The following NOVA1 variants were observed in gnomAD, a reference collection of about 807,000 sequenced individuals.
NOVA1 encodes NOVA alternative splicing regulator 1, also known as RNA-binding protein Nova-1.
In NOVA1, 7 loss-of-function variants were observed where a neutral mutation model predicts 38.0. The observed-to-expected ratio is 0.18, with a 90% confidence interval of 0.10 to 0.35. The LOEUF is 0.35. NOVA1 is among the 10% of genes least tolerant of loss of function. The pLI, the probability that NOVA1 is intolerant of heterozygous loss-of-function variation, is 1.00. For missense variants in NOVA1, 460 were observed against 616.0 expected (o/e 0.75, Z 2.68); for synonymous variants, 270 against 232.5 (o/e 1.16, Z -1.47).
chr14:26,484,254 G>A (rs1037571701), intron 2 of NOVA1, among the ~76,000 whole-genome samples: 2 of 151,256 alleles, frequency 1.3e-5, no homozygotes, highest in African/African-American at 4.9e-5. Context: ...CTAACACGGT[G>A]AAACCCCATC....
chr14:26,514,567 T>C (rs980180611), intron 2 of NOVA1, among the ~76,000 whole-genome samples: 2 of 151,818 alleles, frequency 1.3e-5, no homozygotes, highest in Admixed American at 6.6e-5. Flanking sequence ...TTCTTCTCAG[T>C]AAAGGAATGT....
chr14:26,540,566 G>C (rs1334492053), intron 2 of NOVA1, among the ~76,000 whole-genome samples: 3 of 152,216 alleles, frequency 2.0e-5, no homozygotes, highest in African/African-American at 7.2e-5. Context: ...CTACAAACCA[G>C]CATGTACTAG....
At position 26,589,178 on chromosome 14, in the gene NOVA1, G is replaced by T. The variant is rs528787639; in HGVS notation, c.280+6232C>A. On this transcript the variant is annotated intron_variant, in intron 2 of 4. Transcript: ENST00000539517. ...TTCCAAATTATTTTAAGATAGTACA[G>T]ACTTTGCCAGATTTCGTTTAAATGT... is the stretch of plus-strand genomic sequence containing the variant. Among the ~76,000 whole-genome samples, 3 of 151,630 alleles carry T rather than the reference G, an allele frequency of 2.0e-5. No homozygotes were observed. The South Asian group carries it at 6.2e-4, about 31-fold the overall frequency.
At chr14:26,469,692 C>A (rs2138243160) in intron 4 of NOVA1, among the ~76,000 whole-genome samples, 1 of 152,194 alleles carries the variant, frequency 6.6e-6, no homozygotes, top group Non-Finnish European at 1.5e-5. Flanking sequence ...TGGCCTCAGG[C>A]ACTCCTTCCG....
At chr14:26,457,590 C>T (rs1883288681) in intron 4 of NOVA1, among the ~76,000 whole-genome samples, 1 of 152,214 alleles carries the variant, frequency 6.6e-6, no homozygotes, top group African/African-American at 2.4e-5. Context: ...CAAAGTATTG[C>T]ACATACAATT....
At chr14:26,476,808 C>G (rs1278266893) in intron 3 of NOVA1, among the ~76,000 whole-genome samples, 1 of 147,918 alleles carries the variant, frequency 6.8e-6, no homozygotes, top group African/African-American at 2.6e-5. Context: ...CCTCCACAAC[C>G]AGGGTTCAAG....
intron 2 of NOVA1, among the ~76,000 whole-genome samples, chr14:26,546,156 A>T (rs922568612): frequency 6.6e-6 from 1 of 152,100 alleles, no homozygotes; most frequent in Non-Finnish European, 1.5e-5. Context: ...TTTAAATTCA[A>T]ATTCCATATA....
chr14:26,515,771 T>C (rs207474542), intron 2 of NOVA1, among the ~76,000 whole-genome samples: 25 of 152,186 alleles, frequency 1.6e-4, no homozygotes, highest in African/African-American at 5.1e-4. Flanking sequence ...AAATAGATCA[T>C]AGTGATCTAC....
intron 2 of NOVA1, among the ~76,000 whole-genome samples, chr14:26,522,018 T>C (rs1431491588): frequency 6.6e-6 from 1 of 152,096 alleles, no homozygotes; most frequent in Non-Finnish European, 1.5e-5. Context: ...TGATCTAGAA[T>C]GAAATCTTAT....
At chr14:26,462,084 T>G (rs1170319650) in intron 4 of NOVA1, among the ~76,000 whole-genome samples, 1 of 152,174 alleles carries the variant, frequency 6.6e-6, no homozygotes, top group Non-Finnish European at 1.5e-5. Flanking sequence ...ATTTTTTTTT[T>G]GTAAATTCAG....
At chr14:26,500,425 C>T (rs1004949715) in intron 2 of NOVA1, among the ~76,000 whole-genome samples, 3 of 151,670 alleles carry the variant, frequency 2.0e-5, no homozygotes, top group African/African-American at 7.3e-5. Flanking sequence ...AGGTAAGGGG[C>T]CATCCCAGGA....
At chr14:26,556,056 T>G (rs1282957371) in intron 2 of NOVA1, among the ~76,000 whole-genome samples, 2 of 152,150 alleles carry the variant, frequency 1.3e-5, no homozygotes, top group Admixed American at 1.3e-4. Flanking sequence ...GAAGACTCAC[T>G]GTTGTTAACA....
At chr14:26,578,650 C>G (rs965482840) in intron 2 of NOVA1, among the ~76,000 whole-genome samples, 2 of 152,050 alleles carry the variant, frequency 1.3e-5, no homozygotes, top group African/African-American at 4.8e-5. Context: ...ATAAGATCAT[C>G]AAGGAAGATC....
chr14:26,595,250 A>G (rs1444361958), intron 2 of NOVA1, among the ~76,000 whole-genome samples, 160 bp downstream of exon 2: 1 of 152,184 alleles, frequency 6.6e-6, no homozygotes, highest in Admixed American at 6.5e-5. Flanking sequence ...TCAACAATAG[A>G]AATAATCTGA....
intron 2 of NOVA1, among the ~76,000 whole-genome samples, chr14:26,514,817 A>G (rs1183445833): frequency 1.0e-5 from 1 of 97,206 alleles, no homozygotes; most frequent in East Asian, 4.3e-4. Flanking sequence ...AATTGAGACA[A>G]ACACACTAAA....
chr14:26,448,275 G>C lies in NOVA1; in HGVS notation c.1208C>G (p.Ser403Cys). ...AATNGYFGAA[S>C]PLAASAILGT... ...TAGAATGGCACTGGCAGCTAGGGGAGAAGCAGCTCCAAAATATCCATTGGT... is the reference window on the plus strand; with the variant it reads ...TAGAATGGCACTGGCAGCTAGGGGACAAGCAGCTCCAAAATATCCATTGGT... Residue 403 changes from serine to cysteine, a missense_variant, in exon 5 of 5, where the codon TCT (serine) becomes TGT (cysteine). Ser to Cys is a moderately radical substitution (Grantham distance 112, BLOSUM62 -1). Transcript: ENST00000539517. This position sits in a 1 kb window ranked among gnomAD's most constrained non-coding sequence, Gnocchi z 5.3. 6.2e-7 allele frequency: 1 copy of C among 1,614,198 alleles called. No individual in the cohort carries two copies. Among genetic ancestry groups the C allele is most frequent in the Non-Finnish European group, 8.5e-7 (1 of 1,180,030 alleles).
chr14:26,447,945 T>G lies in NOVA1; in HGVS notation c.*14A>C. On this transcript the variant is annotated 3_prime_UTR_variant, in exon 5 of 5. Coordinates refer to ENST00000539517, the MANE Select transcript of NOVA1 (RefSeq NM_002515.3). ...AAGGAGGGGTTAAAACAATCTGATG[T>G]GTAACTGGGGCACTCAACCCACTTT... The G allele has an allele frequency of 6.2e-7, 1 of 1,609,816 alleles. No homozygotes were observed. Among genetic ancestry groups the G allele is most frequent in the Non-Finnish European group, 8.5e-7 (1 of 1,176,310 alleles).
intron 4 of NOVA1, among the ~76,000 whole-genome samples, chr14:26,460,062 A>G (rs1157910085): frequency 6.6e-6 from 1 of 151,982 alleles, no homozygotes; most frequent in African/African-American, 2.4e-5. Flanking sequence ...CAGTTTTCCT[A>G]AAGGCAATAC....
Position 26,448,619 on chromosome 14 carries a change from T to G in NOVA1, c.864A>C (p.Leu288=). The G allele has an allele frequency of 3.7e-6, 6 of 1,614,236 alleles. No homozygotes were observed. Among genetic ancestry groups the G allele is most frequent in the Non-Finnish European group, 5.1e-6 (6 of 1,180,042 alleles). The change falls in exon 5 of 5, where the codon CTA becomes CTC. Residue 288 remains leucine (L), a synonymous_variant. Coordinates refer to ENST00000539517, the MANE Select transcript of NOVA1 (RefSeq NM_002515.3). The surrounding 1 kb of genome is among the most constrained non-coding windows in gnomAD (Gnocchi z 5.3). ...CGCCAGCAAGGTTAGCATGTCCTAA[T>G]AGCCCTGCAGCTGCTGCAGCAGTTG... The part of the protein sequence containing the change: ...VLPTAAAAAG[L]LGHANLAGVA...
Sources: allele counts gnomAD v4.1 joint callset (sites outside exome capture counted in the v4.1 genomes callset), GRCh38; gene constraint gnomAD v4.1.1; non-coding constraint Gnocchi (gnomAD v3.1); transcripts MANE v1.5; gene names NCBI Gene and HGNC (gene_info 2026-07-23, HGNC 2026-07-21).